The following ATRNL1 variants were observed in gnomAD, a reference collection of about 807,000 sequenced individuals.
The protein encoded by ATRNL1 is attractin-like protein 1.
ATRNL1 carries 95 observed loss-of-function variants against 182.7 expected under a neutral mutation model. The ratio of observed to expected loss-of-function variants is 0.52; its 90% CI spans 0.44 to 0.62. The LOEUF (loss-of-function observed/expected upper bound fraction) is 0.62, where lower values mean the gene tolerates loss of function less well. Among genes scored for constraint, ATRNL1 ranks in the 20% least tolerant of loss-of-function variants. The pLI is 0.00. For synonymous variants in ATRNL1, 576 were observed against 568.3 expected, an observed-to-expected ratio of 1.01 and a Z score of -0.19; for missense variants, 1,471 against 1,679.5, an observed-to-expected ratio of 0.88 and a Z score of 2.17.
chr10:115,244,703 T>C (rs1164939154), intron 10 of ATRNL1, among the ~76,000 whole-genome samples: 2 of 152,336 alleles, frequency 1.3e-5, no homozygotes, highest in East Asian at 3.9e-4. Flanking sequence ...TTATTGTTAG[T>C]GCTGTTATTA....
intron 19 of ATRNL1, among the ~76,000 whole-genome samples, chr10:115,382,881 C>T (rs1362222064): frequency 2.0e-5 from 3 of 151,684 alleles, no homozygotes; most frequent in Admixed American, 6.6e-5. Flanking sequence ...ATCAAGTACC[C>T]GTATTTGTGC....
At chr10:115,299,325 A>G (rs1485280153) in intron 15 of ATRNL1, among the ~76,000 whole-genome samples, 1 of 152,032 alleles carries the variant, frequency 6.6e-6, no homozygotes, top group Non-Finnish European at 1.5e-5. Flanking sequence ...ATTTCAAGTT[A>G]ATTTTGAAAT....
intron 22 of ATRNL1, among the ~76,000 whole-genome samples, chr10:115,462,397 A>T (rs1157101370): frequency 6.6e-6 from 1 of 152,030 alleles, no homozygotes; most frequent in Non-Finnish European, 1.5e-5. Flanking sequence ...GCAGATCATG[A>T]TGCCCAGAGA....
intron 5 of ATRNL1, among the ~76,000 whole-genome samples, chr10:115,158,407 A>G (rs1376010768): frequency 1.3e-5 from 2 of 152,000 alleles, no homozygotes; most frequent in African/African-American, 4.8e-5. Flanking sequence ...GTTTTAATAA[A>G]ACTATTAAAT....
chr10:115,129,430 G>A lies in ATRNL1; in HGVS notation c.724G>A (p.Glu242Lys). ...YCECDKYWKG[E>K]ACDIPYCKAN... ...TGAATGTGATAAATACTGGAAGGGT[G>A]AAGCTTGTGATATTCCTTACTGTAA... The change falls in exon 5 of 29, where the codon GAA becomes AAA. Residue 242 changes from glutamate (E) to lysine (K), a missense_variant. Coordinates refer to ENST00000355044, the MANE Select transcript of ATRNL1 (RefSeq NM_207303.4). 6.2e-7 allele frequency: 1 copy of A among 1,614,094 alleles called. No individual in the cohort carries two copies.
At chr10:115,191,820 C>G (rs755956817) in intron 8 of ATRNL1, among the ~76,000 whole-genome samples, 1 of 152,084 alleles carries the variant, frequency 6.6e-6, no homozygotes, top group Admixed American at 6.6e-5. Flanking sequence ...GTCAATTAAA[C>G]CCCTTTCCTT....
chr10:115,274,759 C>G (rs1316383176), intron 13 of ATRNL1, among the ~76,000 whole-genome samples: 1 of 152,176 alleles, frequency 6.6e-6, no homozygotes, highest in Non-Finnish European at 1.5e-5. Context: ...CAAACTGCTT[C>G]TGGTGATCTT....
At chr10:115,167,852 A>C (rs1313183884) in intron 7 of ATRNL1, among the ~76,000 whole-genome samples, 1 of 152,096 alleles carries the variant, frequency 6.6e-6, no homozygotes, top group Non-Finnish European at 1.5e-5. Flanking sequence ...TGTACAATTC[A>C]GTGGTTTTTA....
At chr10:115,810,878 T>A (rs1950031536) in intron 27 of ATRNL1, among the ~76,000 whole-genome samples, 2 of 151,924 alleles carry the variant, frequency 1.3e-5, no homozygotes, top group Non-Finnish European at 1.5e-5. Flanking sequence ...ATATGTTGTT[T>A]CTTTTTCTTG....
intron 27 of ATRNL1, among the ~76,000 whole-genome samples, chr10:115,765,459 C>T (rs1375756937): frequency 6.6e-6 from 1 of 152,206 alleles, no homozygotes; most frequent in South Asian, 2.1e-4. Context: ...TGTGTATCAT[C>T]TTTGGTAAGG....
intron 25 of ATRNL1, among the ~76,000 whole-genome samples, chr10:115,526,062 A>G (rs1310431558): frequency 6.6e-6 from 1 of 152,192 alleles, no homozygotes; most frequent in Admixed American, 6.5e-5. Flanking sequence ...AAGAGAGAAG[A>G]GAGCTCTTTA....
intron 21 of ATRNL1, among the ~76,000 whole-genome samples, chr10:115,439,220 G>T (rs549739663): frequency 6.6e-6 from 1 of 151,956 alleles, no homozygotes; most frequent in East Asian, 1.9e-4. Context: ...GGAGGGGTTG[G>T]TCTTCCTGTC....
At chr10:115,328,836 T>C (rs1261329175) in intron 18 of ATRNL1, among the ~76,000 whole-genome samples, 6 of 152,130 alleles carry the variant, frequency 3.9e-5, no homozygotes, top group Non-Finnish European at 8.8e-5. Context: ...TATTTGTTTA[T>C]TCACACTTTC....
At chr10:115,872,122 A>G (rs1021971202) in intron 28 of ATRNL1, among the ~76,000 whole-genome samples, 11 of 152,220 alleles carry the variant, frequency 7.2e-5, no homozygotes, top group East Asian at 1.9e-4. Flanking sequence ...GTTAAATCCA[A>G]TTCTTGCATC....
intron 8 of ATRNL1, among the ~76,000 whole-genome samples, chr10:115,203,981 A>AAT (rs1166407172): frequency 6.6e-6 from 1 of 151,872 alleles, no homozygotes; most frequent in Non-Finnish European, 1.5e-5. Context: ...TCAAGTAAAG[A>AAT]ATATATAGTC....
intron 27 of ATRNL1, among the ~76,000 whole-genome samples, chr10:115,821,568 G>T (rs1235514033): frequency 6.6e-6 from 1 of 152,094 alleles, no homozygotes; most frequent in Non-Finnish European, 1.5e-5. Context: ...ACACACATAG[G>T]CTCAAAATAA....
intron 26 of ATRNL1, among the ~76,000 whole-genome samples, chr10:115,622,846 G>A (rs1265606719): frequency 6.6e-6 from 1 of 151,974 alleles, no homozygotes; most frequent in Non-Finnish European, 1.5e-5. Flanking sequence ...AGAATGGTAT[G>A]AACCCGGGAG....
chr10:115,829,385 A>G (rs1253280995), intron 27 of ATRNL1, among the ~76,000 whole-genome samples: 1 of 152,098 alleles, frequency 6.6e-6, no homozygotes, highest in Non-Finnish European at 1.5e-5. Context: ...GGTAAGACAC[A>G]TAGGTAGATA....
intron 28 of ATRNL1, among the ~76,000 whole-genome samples, chr10:115,918,872 T>G (rs1430843931): frequency 2.0e-5 from 3 of 152,206 alleles, no homozygotes; most frequent in Non-Finnish European, 4.4e-5. Flanking sequence ...TCCTTAGTGT[T>G]TAATACCGCT....
Sources: gnomAD v4.1 joint callset for allele counts (sites outside exome capture counted in the v4.1 genomes callset) on GRCh38, gnomAD v4.1.1 for gene constraint, MANE v1.5 for transcripts, NCBI Gene and HGNC (gene_info 2026-07-23, HGNC 2026-07-21) for gene names.